Variants in GFOD2 observed in about 807,000 individuals in gnomAD.
The protein encoded by GFOD2 is Gfo/Idh/MocA-like oxidoreductase domain containing 2.
In GFOD2, 9 loss-of-function variants were observed where a neutral mutation model predicts 24.6. That is an observed-to-expected ratio of 0.37 (90% CI 0.22 to 0.64). The LOEUF is 0.64. Ranked by LOEUF, GFOD2 falls within the 30% of genes least tolerant of loss-of-function variation. The pLI is 0.65. For synonymous variants in GFOD2, 211 were observed against 224.8 expected, an observed-to-expected ratio of 0.94 and a Z score of 0.55; for missense variants, 476 against 532.5, an observed-to-expected ratio of 0.89 and a Z score of 1.04.
intron 1 of GFOD2, among the ~76,000 whole-genome samples, chr16:67,687,147 CAAAA>C (rs555830977): frequency 2.0e-5 from 1 of 49,730 alleles, no homozygotes; most frequent in Non-Finnish European, 4.3e-5. Flanking sequence ...GACTCCGTCA[CAAAA>C]AAAAAAAAAA....
rs1254318477 is a variant in GFOD2, at chr16:67,675,785, G to A, written c.528C>T (p.His176=). The A allele has an allele frequency of 1.2e-6, 2 of 1,614,166 alleles. No individual in the cohort carries two copies. The highest frequency in any genetic ancestry group is 2.2e-5 in the South Asian group (2 of 91,092). Residue 176 remains histidine (H), a synonymous_variant, in exon 3 of 3, where the codon CAC becomes CAT. Coordinates refer to ENST00000268797, the MANE Select transcript of GFOD2 (RefSeq NM_030819.4). ...GGTCCACAATGTAGGTCCCCATGGT[G>A]TGCAAGCCCCCGCCGCCCATGAGCT... ...CDELMGGGGL[H]TMGTYIVDLL... is the part of the protein sequence containing the mutation.
At chr16:67,710,408 G>A (rs2053465156) in intron 1 of GFOD2, among the ~76,000 whole-genome samples, 1 of 151,730 alleles carries the variant, frequency 6.6e-6, no homozygotes, top group Admixed American at 6.6e-5. Flanking sequence ...TTGAGACGAA[G>A]TGGAGAAGTG....
chr16:67,687,516 C>T (rs994978678), intron 1 of GFOD2, among the ~76,000 whole-genome samples: 2 of 151,562 alleles, frequency 1.3e-5, no homozygotes, highest in African/African-American at 4.9e-5. Context: ...TGGTGGGTGC[C>T]TGTAGTCCCA....
At position 67,675,370 on chromosome 16, in the gene GFOD2, G is replaced by A. The variant is rs552557039; in HGVS notation, c.943C>T (p.Arg315Cys). 31 of 1,613,214 alleles carry A rather than the reference G, an allele frequency of 1.9e-5. No individual in the cohort carries two copies. Among genetic ancestry groups the A allele is most frequent in the Middle Eastern group, 1.6e-4 (1 of 6,062 alleles). The change falls in exon 3 of 3, where the codon CGC (arginine) becomes TGC (cysteine). Residue 315 changes from arginine (R) to cysteine (C), a missense_variant. Physicochemically the swap from Arg to Cys is radical, Grantham distance 180 (BLOSUM62 -3). Transcript: ENST00000268797. Reference sequence around the variant, plus strand: ...TCGCCCTGCCCCTGGAAGGACTGGCGCAAGGCCTGCACCATGTAGACCATG... The same window carrying A: ...TCGCCCTGCCCCTGGAAGGACTGGCACAAGGCCTGCACCATGTAGACCATG... ...KGMVYMVQALRQSFQGQGDRR... is the reference protein window; with the variant it reads ...KGMVYMVQALCQSFQGQGDRR...
intron 2 of GFOD2, chr16:67,684,986 A>C: frequency 9.9e-7 from 1 of 1,013,202 alleles, no homozygotes; most frequent in Non-Finnish European, 1.2e-6. Flanking sequence ...GCAATACAAG[A>C]CTGCAGTTTG....
In GFOD2 at chr16:67,693,045, A is replaced by C. The variant is rs192251985; in HGVS notation, c.-87-7243T>G. Among the ~76,000 whole-genome samples, 333 of 152,110 alleles carry C rather than the reference A, an allele frequency of 2.2e-3. 2 individuals are homozygous for C. The highest frequency in any genetic ancestry group is 0.01 in the Middle Eastern group (3 of 294). ...ACTCTGTCTCAAAAACAAAAACAAAAAAAAAAGGAAAATGTGGTTCTAAAA... is the reference window on the plus strand; with the variant it reads ...ACTCTGTCTCAAAAACAAAAACAAACAAAAAAGGAAAATGTGGTTCTAAAA... On this transcript the variant is annotated intron_variant, in intron 1 of 2. Transcript: ENST00000268797.
Position 67,685,531 on chromosome 16 carries a change from A to C in GFOD2, c.185T>G (p.Leu62Arg). The C allele has an allele frequency of 6.2e-7, 1 of 1,614,218 alleles. No individual in the cohort carries two copies. ...GCACACCAGATCCACATCTTGATGC[A>C]GCAAGATGTCATCAGTCCGGCTGGT... Reference protein sequence around the residue: ...FYTSRTDDILLHQDVDLVCIS... With the variant: ...FYTSRTDDILRHQDVDLVCIS... Residue 62 changes from leucine to arginine, a missense_variant, in exon 2 of 3, where the codon CTG becomes CGG. Leu to Arg is a moderately radical substitution (Grantham distance 102). Coordinates refer to ENST00000268797, the MANE Select transcript of GFOD2 (RefSeq NM_030819.4).
In GFOD2 at chr16:67,679,921, A is replaced by C. The variant is rs557172106; in HGVS notation, c.260-3868T>G. Among the ~76,000 whole-genome samples, 4 of 152,154 alleles carry C rather than the reference A, an allele frequency of 2.6e-5. No individual in the cohort carries two copies. The East Asian group carries it at 5.8e-4, about 22-fold the overall frequency. On this transcript the variant is annotated intron_variant, in intron 2 of 2. Transcript: ENST00000268797. The stretch of plus-strand genomic sequence containing the variant: ...AAAACAACAACAACAACAAAAAAAA[A>C]CAGGGTCTTGCTTTGTCACTTAGCT...
chr16:67,714,560 TA>T (rs2053495632), intron 1 of GFOD2, among the ~76,000 whole-genome samples: 2 of 151,562 alleles, frequency 1.3e-5, no homozygotes, highest in African/African-American at 4.9e-5. Flanking sequence ...ATTATGAAAG[TA>T]AATAATAAAG....
chr16:67,689,801 A>G (rs2053297626), intron 1 of GFOD2, among the ~76,000 whole-genome samples: 3 of 152,204 alleles, frequency 2.0e-5, no homozygotes, highest in African/African-American at 7.2e-5. Context: ...TCATTAAATA[A>G]TACCCATTAT....
At chr16:67,713,181 C>T (rs1410360276) in intron 1 of GFOD2, among the ~76,000 whole-genome samples, 4 of 151,708 alleles carry the variant, frequency 2.6e-5, no homozygotes, top group Non-Finnish European at 5.9e-5. Context: ...GCCACACTGG[C>T]CAGACATAAG....
In GFOD2 at chr16:67,698,028, G is replaced by A. The variant is rs1399187550; in HGVS notation, c.-87-12226C>T. Among the ~76,000 whole-genome samples, 3 of 152,260 alleles carry A rather than the reference G, an allele frequency of 2.0e-5. No homozygotes were observed. The East Asian group carries it at 5.8e-4, about 29-fold the overall frequency. On this transcript the variant is annotated intron_variant, in intron 1 of 2. Transcript: ENST00000268797. ...CTCTGCCCTGCTTTTTGTCTCTGGA[G>A]TCAGAAGGTCAGTCTCTAAAGCCCT...
chr16:67,715,737 G>A (rs549082975), intron 1 of GFOD2, among the ~76,000 whole-genome samples: 12 of 151,758 alleles, frequency 7.9e-5, no homozygotes, highest in Non-Finnish European at 1.3e-4. Context: ...CTCAAAAATA[G>A]CAAAATCTCC....
intron 2 of GFOD2, chr16:67,681,792 G>T (rs1214566698): frequency 6.9e-5 from 68 of 985,340 alleles, no homozygotes; most frequent in Non-Finnish European, 8.2e-5. Flanking sequence ...AGGCTCCTGA[G>T]GGCTAGCTGT....
chr16:67,710,174 G>A (rs142214959), intron 1 of GFOD2, among the ~76,000 whole-genome samples: 3 of 151,934 alleles, frequency 2.0e-5, no homozygotes, highest in Admixed American at 6.6e-5. Flanking sequence ...TGGTCAGGCC[G>A]GAGTGCAGTG....
At chr16:67,714,778 AC>A (rs959716340) in intron 1 of GFOD2, among the ~76,000 whole-genome samples, 1 of 152,134 alleles carries the variant, frequency 6.6e-6, no homozygotes, top group African/African-American at 2.4e-5. Context: ...ATTATAGAGG[AC>A]TGATAGAAAT....
chr16:67,717,476 G>A (rs1206875596), intron 1 of GFOD2, among the ~76,000 whole-genome samples: 5 of 152,106 alleles, frequency 3.3e-5, no homozygotes, highest in Non-Finnish European at 7.4e-5. Context: ...AAATCAGATA[G>A]CAATTGCCCT....
chr16:67,691,596 T>C lies in GFOD2; in HGVS notation c.-87-5794A>G, dbSNP rs908567050. Among the ~76,000 whole-genome samples, 15 of 151,138 alleles carry C rather than the reference T, an allele frequency of 9.9e-5. No individual in the cohort carries two copies. In the East Asian group the frequency reaches 2.3e-3, roughly 23 times the overall value. ...TGCTTTCTTTGAGATGACCAACTCC[T>C]GGAACTCCTCTCTACCCTACATCTT... On this transcript the variant is annotated intron_variant, in intron 1 of 2. Transcript: ENST00000268797.
Position 67,675,069 on chromosome 16 carries a change from T to C in GFOD2, c.*86A>G. ...GACTCATTAAATGAAAGACACTGTC[T>C]CTGCTAGGGCCAAGTCCCTGTCATG... On this transcript the variant is annotated 3_prime_UTR_variant, in exon 3 of 3. Transcript: ENST00000268797. 1 of 1,422,550 alleles carries C rather than the reference T, an allele frequency of 7.0e-7. No individual in the cohort carries two copies. Among genetic ancestry groups the C allele is most frequent in the African/African-American group, 1.4e-5 (1 of 70,252 alleles). 88.1% of individuals were successfully genotyped at this position (1,422,550 alleles called of 1,614,324 possible).
Sources: gnomAD v4.1 joint callset for allele counts (sites outside exome capture counted in the v4.1 genomes callset) on GRCh38, gnomAD v4.1.1 for gene constraint, MANE v1.5 for transcripts, NCBI Gene and HGNC (gene_info 2026-07-23, HGNC 2026-07-21) for gene names.